Variants in CYSLTR1 observed in about 807,000 individuals in gnomAD.
The protein encoded by CYSLTR1 is G-protein coupled receptor HG55.
CYSLTR1 carries 1 observed loss-of-function variant against 2.1 expected under a neutral mutation model. The ratio of observed to expected loss-of-function variants is 0.48; its 90% CI spans 0.17 to 2.28. The LOEUF is 2.28. CYSLTR1 is among the 30% of genes most tolerant of loss of function. CYSLTR1 has a pLI of 0.26. For missense variants in CYSLTR1, 299 were observed against 250.1 expected (o/e 1.20, Z -1.32); for synonymous variants, 110 against 89.6 (o/e 1.23, Z -1.28).
rs1365633743 is a variant in CYSLTR1 at position 78,272,934 on chromosome X, A to G, written c.813T>C (p.Leu271=). Residue 271 remains leucine (L), a synonymous_variant, in exon 3 of 3, where the codon CTT becomes CTC. Transcript: ENST00000373304. ...HNETKPCDSV[L]RMQKSVVITL... ...TTATGACCACGGACTTCTGCATTCT[A>G]AGGACAGAATCACAGGGTTTAGTTT... The G allele has an allele frequency of 1.7e-6, 2 of 1,211,342 alleles. No individual in the cohort carries two copies. Among genetic ancestry groups the G allele is most frequent in the South Asian group, 1.8e-5 (1 of 56,956 alleles).
At chrX:78,291,632 A>G (rs1047400723) in intron 1 of CYSLTR1, among the ~76,000 whole-genome samples, 6 of 110,935 alleles carry the variant, frequency 5.4e-5, no homozygotes, top group Non-Finnish European at 7.6e-5. Context: ...TATTGCCTCA[A>G]TTTCTGCACC....
At chrX:78,320,326 A>G (rs1286178617) in intron 1 of CYSLTR1, 1 of 111,884 alleles carries the variant, frequency 8.9e-6, no homozygotes, top group Non-Finnish European at 1.9e-5. Context: ...CTTTCTGCAT[A>G]TGGCTAGCCA....
At chrX:78,323,647 T>C (rs935613409) in intron 1 of CYSLTR1, among the ~76,000 whole-genome samples, 1 of 112,180 alleles carries the variant, frequency 8.9e-6, no homozygotes. Context: ...AGAAGTCATA[T>C]ACTTTAGACA....
At chrX:78,296,306 T>G (rs1922570879) in intron 1 of CYSLTR1, among the ~76,000 whole-genome samples, 1 of 111,834 alleles carries the variant, frequency 8.9e-6, no homozygotes, top group Admixed American at 9.5e-5. Flanking sequence ...TATGGTTTAA[T>G]AGTATAATTT....
At chrX:78,295,370 CTTTT>C (rs36092711) in intron 1 of CYSLTR1, among the ~76,000 whole-genome samples, 29 of 86,569 alleles carry the variant, frequency 3.3e-4, no homozygotes, top group Non-Finnish European at 3.9e-4. Flanking sequence ...TCCTGATTTC[CTTTT>C]TTTTTTTTTT....
intron 1 of CYSLTR1, among the ~76,000 whole-genome samples, chrX:78,298,782 T>G (rs966713789): frequency 9.0e-6 from 1 of 111,597 alleles, no homozygotes. Flanking sequence ...TGAAGTGTAT[T>G]TCTTGTAAGC....
chrX:78,319,898 G>T (rs1315340795), intron 1 of CYSLTR1: 1 of 112,121 alleles, frequency 8.9e-6, no homozygotes, highest in Non-Finnish European at 1.9e-5. Flanking sequence ...TCTGTTGGCT[G>T]CATAAATGTC....
chrX:78,272,454 GAC>G lies in CYSLTR1; in HGVS notation c.*277_*278del, dbSNP rs1415657032. On this transcript the variant is annotated 3_prime_UTR_variant, in exon 3 of 3. Transcript: ENST00000373304. Reference sequence around the variant, plus strand: ...TTTGAAGAGGAAAACTTTAATATAAGACATATTTTATAGTGCAAAGATAAAAA... The same window carrying G: ...TTTGAAGAGGAAAACTTTAATATAAGATATTTTATAGTGCAAAGATAAAAA... 1.6e-5 allele frequency: 3 copies of G among 192,249 alleles called. No homozygotes were observed. The highest frequency in any genetic ancestry group is 8.8e-5 in the African/African-American group (3 of 33,907). 15.8% of individuals were successfully genotyped at this position (192,249 alleles called of 1,213,427 possible). A position where few individuals can be genotyped will look rare whatever the true frequency, so the allele number is the denominator to read the frequency against.
intron 2 of CYSLTR1, among the ~76,000 whole-genome samples, chrX:78,277,089 A>G (rs142014081): frequency 9.0e-6 from 1 of 111,465 alleles, no homozygotes; most frequent in Non-Finnish European, 1.9e-5. Flanking sequence ...CAGAGCCCAG[A>G]GTATTTGGCA....
At chrX:78,313,689 C>A (rs781428340) in intron 1 of CYSLTR1, among the ~76,000 whole-genome samples, 36 of 111,012 alleles carry the variant, frequency 3.2e-4, no homozygotes, top group African/African-American at 1.1e-3. Context: ...AATTTCAGTT[C>A]TGTGGTGACA....
chrX:78,323,104 T>G (rs1404777719), intron 1 of CYSLTR1, among the ~76,000 whole-genome samples: 1 of 112,135 alleles, frequency 8.9e-6, no homozygotes, highest in African/African-American at 3.2e-5. Context: ...TGGGTGACAG[T>G]GTATAGTGGA....
At chrX:78,322,329 G>T (rs144360673) in intron 1 of CYSLTR1, among the ~76,000 whole-genome samples, 2 of 112,252 alleles carry the variant, frequency 1.8e-5, no homozygotes, top group East Asian at 5.6e-4. Context: ...ATGAATAGGA[G>T]AGTCAACAAA....
At chrX:78,276,676 T>G (rs1410491116) in intron 2 of CYSLTR1, among the ~76,000 whole-genome samples, 1 of 110,985 alleles carries the variant, frequency 9.0e-6, no homozygotes. Context: ...ACTTTTGGCA[T>G]AAGATAAAAA....
chrX:78,324,217 T>C (rs868549208), intron 1 of CYSLTR1, among the ~76,000 whole-genome samples: 1 of 112,217 alleles, frequency 8.9e-6, no homozygotes, highest in African/African-American at 3.2e-5. Flanking sequence ...TTTAGCACCT[T>C]GATTGTAACA....
At position 78,317,600 on chromosome X, in the gene CYSLTR1, C is replaced by T. The variant is rs1463606957; in HGVS notation, c.-115+9705G>A. ...AGCCTAAATGCCCATCAACCAATGA[C>T]TGTATAAAAAATGTTGTATATCTAC... is the stretch of plus-strand genomic sequence containing the variant. On this transcript the variant is annotated intron_variant, in intron 1 of 2. Transcript: ENST00000373304. Among the ~76,000 whole-genome samples the T allele has an allele frequency of 6.3e-5, 7 of 111,596 alleles. No homozygotes were observed. The Admixed American group carries it at 6.6e-4, about 11-fold the overall frequency.
At chrX:78,279,036 C>T (rs940343279) in intron 2 of CYSLTR1, among the ~76,000 whole-genome samples, 9 of 111,814 alleles carry the variant, frequency 8.0e-5, no homozygotes, top group Admixed American at 1.9e-4. Flanking sequence ...ATACCATTCT[C>T]GACATAGTAC....
chrX:78,280,533 G>T (rs750916145), intron 2 of CYSLTR1, among the ~76,000 whole-genome samples: 6 of 106,145 alleles, frequency 5.7e-5, no homozygotes, highest in East Asian at 3.2e-4. Flanking sequence ...GTTGGGGGGG[G>T]GGTAAGAATG....
At chrX:78,312,990 T>C (rs760315682) in intron 1 of CYSLTR1, among the ~76,000 whole-genome samples, 1 of 111,718 alleles carries the variant, frequency 9.0e-6, no homozygotes, top group African/African-American at 3.2e-5. Flanking sequence ...AATAATTAAG[T>C]CTATCAAAAA....
intron 1 of CYSLTR1, among the ~76,000 whole-genome samples, chrX:78,290,551 T>C (rs1362251703): frequency 2.7e-5 from 3 of 112,029 alleles, no homozygotes; most frequent in Non-Finnish European, 3.8e-5. Flanking sequence ...TCAGGCAGTA[T>C]GGCCACTTTC....
Sources: gnomAD v4.1 joint callset for allele counts (sites outside exome capture counted in the v4.1 genomes callset) on GRCh38, gnomAD v4.1.1 for gene constraint, MANE v1.5 for transcripts, NCBI Gene and HGNC (gene_info 2026-07-23, HGNC 2026-07-21) for gene names.